SLC13A3: variants seen among roughly 807,000 people sequenced by gnomAD.
SLC13A3 encodes the protein solute carrier family 13 member 3.
A neutral mutation model predicts 59.0 loss-of-function variants in SLC13A3; 40 were observed. The ratio of observed to expected loss-of-function variants is 0.68; its 90% CI spans 0.53 to 0.88. SLC13A3 has a LOEUF of 0.88. Among genes scored for constraint, SLC13A3 ranks in the 40% least tolerant of loss-of-function variants. SLC13A3 has a pLI of 0.00. For missense variants in SLC13A3, 699 were observed against 783.2 expected, an observed-to-expected ratio of 0.89 and a Z score of 1.28; for synonymous variants, 317 against 330.3, an observed-to-expected ratio of 0.96 and a Z score of 0.44.
chr20:46,654,785 C>T (rs531799972), upstream of SLC13A3, among the ~76,000 whole-genome samples: 2 of 152,170 alleles, frequency 1.3e-5, no homozygotes, highest in African/African-American at 4.8e-5. Context: ...CCGGCCTAGG[C>T]AACACAAATT....
At chr20:46,579,379 C>A (rs1238762187) in intron 9 of SLC13A3, among the ~76,000 whole-genome samples, 2 of 152,190 alleles carry the variant, frequency 1.3e-5, no homozygotes, top group African/African-American at 4.8e-5. Flanking sequence ...CCCACCTCAG[C>A]CTTCCAAAGT....
chr20:46,654,826 T>A (rs111633314), upstream of SLC13A3, among the ~76,000 whole-genome samples: 1,939 of 152,308 alleles, frequency 0.013, 19 homozygotes, highest in Middle Eastern at 0.048. Context: ...CCACCATGCC[T>A]GGCCAAGAAC....
chr20:46,560,116 T>A lies in SLC13A3; in HGVS notation c.1715A>T (p.Gln572Leu). ...AGCCCAGTCCGGGAAGGTGCCCAGC[T>A]GGAAGATGGTCTGTGCCCAGGTATT... ...AMNTWAQTIF[Q>L]LGTFPDWADM... The change falls in exon 13 of 13, where the codon CAG becomes CTG. Residue 572 changes from glutamine (Q) to leucine (L), a missense_variant. Coordinates refer to ENST00000279027, the MANE Select transcript of SLC13A3 (RefSeq NM_022829.6). 6.2e-7 allele frequency: 1 copy of A among 1,614,138 alleles called. No individual in the cohort carries two copies. The highest frequency in any genetic ancestry group is 8.5e-7 in the Non-Finnish European group (1 of 1,180,022).
At chr20:46,573,621 C>T (rs1216186528) in intron 10 of SLC13A3, among the ~76,000 whole-genome samples, 2 of 152,220 alleles carry the variant, frequency 1.3e-5, no homozygotes, top group African/African-American at 4.8e-5. Flanking sequence ...TTTAGCACTT[C>T]TTATCGGCTA....
At chr20:46,561,076 G>A (rs1009944138) in intron 12 of SLC13A3, among the ~76,000 whole-genome samples, 2 of 152,182 alleles carry the variant, frequency 1.3e-5, no homozygotes, top group African/African-American at 4.8e-5. Context: ...ATTCTATTCA[G>A]TCATCCCTCT....
At chr20:46,612,445 A>C (rs2062508739) in intron 2 of SLC13A3, among the ~76,000 whole-genome samples, 1 of 152,012 alleles carries the variant, frequency 6.6e-6, no homozygotes, top group Non-Finnish European at 1.5e-5. Context: ...AAGATCCCTG[A>C]TATTTTTATA....
rs115381366 is a variant in SLC13A3 at position 46,634,717 on chromosome 20, G to A, written c.111+16594C>T. Among the ~76,000 whole-genome samples the A allele has an allele frequency of 5.8e-3, 880 of 152,294 alleles. 8 individuals carry two copies. The highest frequency in any genetic ancestry group is 0.02 in the African/African-American group (818 of 41,564). On this transcript the variant is annotated intron_variant, in intron 1 of 12. Coordinates refer to ENST00000279027, the MANE Select transcript of SLC13A3 (RefSeq NM_022829.6). Reference sequence around the variant, plus strand: ...GTGGTTGTGGGGGTGTGCCCTGGATGCAGGAGCTCCTGGTGGCCTCACTCA... The same window carrying A: ...GTGGTTGTGGGGGTGTGCCCTGGATACAGGAGCTCCTGGTGGCCTCACTCA...
Position 46,651,321 on chromosome 20 carries a change from A to G in SLC13A3, c.101T>C (p.Leu34Pro). 6.6e-7 allele frequency: 1 copy of G among 1,511,034 alleles called. No individual in the cohort carries two copies. The highest frequency in any genetic ancestry group is 1.3e-5 in the South Asian group (1 of 79,496). 93.6% of individuals were successfully genotyped at this position (1,511,034 alleles called of 1,614,324 possible). A position where few individuals can be genotyped will look rare whatever the true frequency, so the allele number is the denominator to read the frequency against. ...PLALLPVVFA[L>P]PPKEGRCLFV... is the part of the protein sequence containing the mutation. ...CGGAGGAGGCGTTACCTTGGGCGGG[A>G]GGGCGAAGACCACCGGCAGCAGCGC... The change falls in exon 1 of 13, where the codon CTC becomes CCC. Residue 34 changes from leucine (L) to proline (P), a missense_variant. Coordinates refer to ENST00000279027, the MANE Select transcript of SLC13A3 (RefSeq NM_022829.6).
chr20:46,582,864 A>G (rs777331420), intron 9 of SLC13A3: 13 of 985,424 alleles, frequency 1.3e-5, no homozygotes, highest in Non-Finnish European at 1.6e-5. Context: ...CATCTGCTGG[A>G]CACCGGAGGG....
rs571803851 is a variant in SLC13A3 at position 46,666,990 on chromosome 20, C to T, written c.-31+3053G>A. Among the ~76,000 whole-genome samples, 9 of 152,110 alleles carry T rather than the reference C, an allele frequency of 5.9e-5. No individual in the cohort carries two copies. The South Asian group carries it at 1.7e-3, about 28-fold the overall frequency. The stretch of plus-strand genomic sequence containing the variant: ...CCAAAATCTGAAATTTGGGAGACTA[C>T]GAGATAGCAAGAGAAAGACCCAGGA... On this transcript the variant is annotated intron_variant, in intron 1 of 12. Transcript: ENST00000290317.
chr20:46,665,565 A>G (rs1319804345), intron 1 of SLC13A3, among the ~76,000 whole-genome samples: 1 of 152,238 alleles, frequency 6.6e-6, no homozygotes, highest in Non-Finnish European at 1.5e-5. Flanking sequence ...CTGTCACAGC[A>G]CGCATTGGTA....
At chr20:46,574,930 G>A (rs2062060548) in intron 10 of SLC13A3, among the ~76,000 whole-genome samples, 1 of 150,616 alleles carries the variant, frequency 6.6e-6, no homozygotes, top group Non-Finnish European at 1.5e-5. Context: ...TCCAGCCTAG[G>A]ACCACCACAC....
At chr20:46,606,026 T>C (rs1271929206) in intron 3 of SLC13A3, among the ~76,000 whole-genome samples, 1 of 152,232 alleles carries the variant, frequency 6.6e-6, no homozygotes, top group Non-Finnish European at 1.5e-5. Context: ...TATTTGTGTA[T>C]TCATTAATTC....
intron 10 of SLC13A3, among the ~76,000 whole-genome samples, chr20:46,570,174 C>T (rs1230837145): frequency 6.6e-6 from 1 of 152,160 alleles, no homozygotes; most frequent in Non-Finnish European, 1.5e-5. Flanking sequence ...TTTCTTTAAG[C>T]GATTGCAGTA....
chr20:46,649,140 T>C (rs1396183436), intron 1 of SLC13A3, among the ~76,000 whole-genome samples: 1 of 152,158 alleles, frequency 6.6e-6, no homozygotes, highest in Non-Finnish European at 1.5e-5. Context: ...GCTCCTAGCA[T>C]GGCCCCTAGC....
At chr20:46,613,828 G>A in intron 1 of SLC13A3, 103 bp from the exon 2 acceptor site, 1 of 1,054,372 alleles carries the variant, frequency 9.5e-7, no homozygotes. Context: ...TGGGCTGGGG[G>A]CAGAGGGGGA....
At chr20:46,614,589 A>G (rs1225716783) in intron 1 of SLC13A3, among the ~76,000 whole-genome samples, 1 of 152,214 alleles carries the variant, frequency 6.6e-6, no homozygotes, top group Non-Finnish European at 1.5e-5. Context: ...CACATAATGC[A>G]TACTCCATAA....
At chr20:46,566,442 C>G in intron 10 of SLC13A3, 52 bp from the exon 11 acceptor site, 1 of 1,576,430 alleles carries the variant, frequency 6.3e-7, no homozygotes, top group Non-Finnish European at 8.6e-7. Context: ...CAGCTGCCGC[C>G]CCCCAGAGAG....
chr20:46,614,003 G>A (rs138245180), intron 1 of SLC13A3: 1 of 358,402 alleles, frequency 2.8e-6, no homozygotes, highest in Non-Finnish European at 5.0e-6. Context: ...AGGACTGTTT[G>A]AGAATGAAAT....
Sources: gnomAD v4.1 joint callset for allele counts (sites outside exome capture counted in the v4.1 genomes callset) on GRCh38, gnomAD v4.1.1 for gene constraint, MANE v1.5 for transcripts, NCBI Gene and HGNC (gene_info 2026-07-23, HGNC 2026-07-21) for gene names.